The following TMEM114 variants were observed in gnomAD, a reference collection of about 807,000 sequenced individuals.
TMEM114 encodes the protein claudin-26.
TMEM114 carries 6 observed loss-of-function variants against 6.2 expected under a neutral mutation model. The observed-to-expected ratio is 0.97, with a 90% CI of 0.53 to 1.91. The LOEUF (loss-of-function observed/expected upper bound fraction) is 1.91, where lower values mean the gene tolerates loss of function less well. Ranked by LOEUF, TMEM114 falls within the 40% of genes most tolerant of loss-of-function variation. The probability of loss-of-function intolerance (pLI) is 0.01; values close to 1 mark genes in which losing one functional copy is unlikely to be tolerated. For synonymous variants in TMEM114, 104 were observed against 73.0 expected, an observed-to-expected ratio of 1.42 and a Z score of -2.16; for missense variants, 218 against 158.3, an observed-to-expected ratio of 1.38 and a Z score of -2.02.
intron 2 of TMEM114, among the ~76,000 whole-genome samples, chr16:8,572,557 G>A (rs1400241571): frequency 6.6e-6 from 1 of 152,152 alleles, no homozygotes; most frequent in Non-Finnish European, 1.5e-5. Context: ...CACCTAAGCT[G>A]CCCAAGTAGC....
chr16:8,539,801 A>C (rs573356397), intron 2 of TMEM114, among the ~76,000 whole-genome samples: 1 of 152,308 alleles, frequency 6.6e-6, no homozygotes, highest in South Asian at 2.1e-4. Context: ...ATTACAACTC[A>C]CAAATATGCT....
chr16:8,578,610 G>C (rs1434613230), intron 2 of TMEM114, among the ~76,000 whole-genome samples: 1 of 152,188 alleles, frequency 6.6e-6, no homozygotes, highest in African/African-American at 2.4e-5. Flanking sequence ...CATCCACACA[G>C]TACCACGTCT....
chr16:8,541,750 C>T (rs1300938749), intron 2 of TMEM114, among the ~76,000 whole-genome samples: 1 of 152,162 alleles, frequency 6.6e-6, no homozygotes. Context: ...GAGAACCCAA[C>T]ATAAGCCACT....
chr16:8,582,960 G>T (rs990334314), intron 2 of TMEM114, among the ~76,000 whole-genome samples: 5 of 152,072 alleles, frequency 3.3e-5, no homozygotes, highest in African/African-American at 1.2e-4. Flanking sequence ...GCAGGGAAAG[G>T]CAGGGAAAGG....
intron 2 of TMEM114, among the ~76,000 whole-genome samples, chr16:8,573,457 C>T (rs1901802846): frequency 1.3e-5 from 2 of 152,030 alleles, no homozygotes; most frequent in African/African-American, 4.8e-5. Flanking sequence ...AAAGTCAAGA[C>T]CCATGATGAG....
downstream of TMEM114, among the ~76,000 whole-genome samples, chr16:8,537,426 G>C (rs922093967): frequency 5.3e-5 from 8 of 152,076 alleles, no homozygotes; most frequent in Non-Finnish European, 8.8e-5. Context: ...GCTTGAACCC[G>C]GGAGGCAGAG....
At chr16:8,555,061 C>A (rs534474868) in intron 2 of TMEM114, among the ~76,000 whole-genome samples, 4 of 152,344 alleles carry the variant, frequency 2.6e-5, no homozygotes, top group African/African-American at 7.2e-5. Flanking sequence ...CTCCCCTCTC[C>A]TCCCAGGTCT....
chr16:8,544,676 T>C (rs1900608132), intron 2 of TMEM114, among the ~76,000 whole-genome samples: 1 of 152,178 alleles, frequency 6.6e-6, no homozygotes, highest in South Asian at 2.1e-4. Context: ...GGGTACCCCT[T>C]TTCAGTGTTC....
intron 2 of TMEM114, among the ~76,000 whole-genome samples, chr16:8,577,977 C>T (rs1393519728): frequency 6.6e-6 from 1 of 152,168 alleles, no homozygotes; most frequent in East Asian, 1.9e-4. Flanking sequence ...GTCCTAGGGC[C>T]TGGGGACACC....
At position 8,572,236 on chromosome 16, in the gene TMEM114, C is replaced by T. The variant is rs1182699163; in HGVS notation, c.302-12G>A. 2.6e-6 allele frequency: 4 copies of T among 1,551,476 alleles called. No individual in the cohort carries two copies. The Admixed American group carries it at 7.8e-5, about 30-fold the overall frequency. ...TGTCCCATGCATGGCTTAGAAGAGA[C>T]AGAGAGGATACCAGGCAGAGGACAG... On this transcript the variant is annotated splice_polypyrimidine_tract_variant and intron_variant, in intron 2 of 3. Transcript: ENST00000620492.
At chr16:8,560,107 C>G (rs1270052859) in intron 2 of TMEM114, among the ~76,000 whole-genome samples, 2 of 152,190 alleles carry the variant, frequency 1.3e-5, no homozygotes, top group African/African-American at 4.8e-5. Context: ...ATTCCCCCAC[C>G]TCAGCCTCCT....
At chr16:8,542,626 G>T (rs527486774) in intron 2 of TMEM114, among the ~76,000 whole-genome samples, 1 of 152,132 alleles carries the variant, frequency 6.6e-6, no homozygotes, top group Non-Finnish European at 1.5e-5. Context: ...GGTTTGGGGT[G>T]GGGGAGGCCA....
chr16:8,589,595 C>T, intron 1 of TMEM114, 24 bp downstream of exon 1: 1 of 398,530 alleles, frequency 2.5e-6, no homozygotes, highest in Non-Finnish European at 4.4e-6. Flanking sequence ...AGCCACAGCT[C>T]CCAGCCACGG....
At chr16:8,586,316 T>C (rs139935375) in intron 2 of TMEM114, among the ~76,000 whole-genome samples, 82 of 152,276 alleles carry the variant, frequency 5.4e-4, no homozygotes, top group African/African-American at 1.8e-3. Context: ...TTTATCCATT[T>C]TTATTCCCTC....
At chr16:8,554,732 C>T (rs1414553358) in intron 2 of TMEM114, among the ~76,000 whole-genome samples, 1 of 152,218 alleles carries the variant, frequency 6.6e-6, no homozygotes, top group Non-Finnish European at 1.5e-5. Context: ...GCAGCTGACA[C>T]TGGCTTAGCA....
downstream of TMEM114, among the ~76,000 whole-genome samples, chr16:8,565,427 G>A (rs1025229544): frequency 6.6e-6 from 1 of 152,272 alleles, no homozygotes; most frequent in East Asian, 1.9e-4. Flanking sequence ...GAAAGAGAGC[G>A]GCCAGTTGTT....
intron 2 of TMEM114, among the ~76,000 whole-genome samples, chr16:8,577,473 G>A (rs1279204342): frequency 6.6e-6 from 1 of 152,154 alleles, no homozygotes. Flanking sequence ...CTTCACCTCT[G>A]TGAGCCCTCA....
At chr16:8,538,656 C>T (rs1049868988) in intron 2 of TMEM114, among the ~76,000 whole-genome samples, 2 of 152,006 alleles carry the variant, frequency 1.3e-5, no homozygotes, top group Non-Finnish European at 2.9e-5. Flanking sequence ...TACAGGCGCC[C>T]GCCACCACGC....
chr16:8,581,492 T>C (rs952980256), intron 2 of TMEM114, among the ~76,000 whole-genome samples: 1 of 152,176 alleles, frequency 6.6e-6, no homozygotes, highest in African/African-American at 2.4e-5. Context: ...CCCACTCTAT[T>C]GCCCAGGCTG....
Sources: allele counts gnomAD v4.1 joint callset (sites outside exome capture counted in the v4.1 genomes callset), GRCh38; gene constraint gnomAD v4.1.1; transcripts MANE v1.5; gene names NCBI Gene and HGNC (gene_info 2026-07-23, HGNC 2026-07-21).